Variants in RCOR1 observed in about 807,000 individuals in gnomAD.
The protein encoded by RCOR1 is REST corepressor 1.
A neutral mutation model predicts 64.0 loss-of-function variants in RCOR1; 12 were observed. That is an observed-to-expected ratio of 0.19 (90% CI 0.12 to 0.30). The LOEUF is 0.30. Among genes scored for constraint, RCOR1 ranks in the 10% least tolerant of loss-of-function variants. The pLI, the probability that RCOR1 is intolerant of heterozygous loss-of-function variation, is 1.00. For missense variants in RCOR1, 502 were observed against 621.2 expected (o/e 0.81, Z 2.04); for synonymous variants, 279 against 227.2 (o/e 1.23, Z -2.05).
chr14:102,677,239 T>C (rs75293620), intron 2 of RCOR1, among the ~76,000 whole-genome samples: 90 of 57,938 alleles, frequency 1.6e-3, no homozygotes, highest in Admixed American at 4.5e-3. Flanking sequence ...CCGGACGGGG[T>C]GGCTGGCCGG....
intron 2 of RCOR1, among the ~76,000 whole-genome samples, chr14:102,679,132 C>T (rs1419322326): frequency 1.3e-5 from 2 of 152,054 alleles, no homozygotes; most frequent in African/African-American, 2.4e-5. Flanking sequence ...TTTAGTATAC[C>T]ATTAAAAAAT....
intron 2 of RCOR1, among the ~76,000 whole-genome samples, chr14:102,676,586 A>C (rs1297355449): frequency 5.3e-5 from 4 of 74,802 alleles, no homozygotes; most frequent in Admixed American, 2.3e-4. Context: ...GCGGCCGGGC[A>C]GAGGCGCCCC....
At chr14:102,597,844 T>C (rs1435530084) in intron 2 of RCOR1, among the ~76,000 whole-genome samples, 1 of 151,032 alleles carries the variant, frequency 6.6e-6, no homozygotes. Flanking sequence ...GATGGAGTTT[T>C]TTTCTCTTGT....
At chr14:102,595,240 A>G (rs893774514) in intron 2 of RCOR1, among the ~76,000 whole-genome samples, 3 of 152,232 alleles carry the variant, frequency 2.0e-5, no homozygotes, top group African/African-American at 7.2e-5. Flanking sequence ...AGTAGCTCAC[A>G]CCTGTAGTCC....
At chr14:102,689,689 A>G (rs1895493854) in intron 3 of RCOR1, among the ~76,000 whole-genome samples, 1 of 152,220 alleles carries the variant, frequency 6.6e-6, no homozygotes, top group African/African-American at 2.4e-5. Flanking sequence ...GGTAAGAATC[A>G]TGGATCTCTG....
In RCOR1 at chr14:102,690,967, T is replaced by C. The variant is rs190408933; in HGVS notation, c.445+8989T>C. Among the ~76,000 whole-genome samples, 374 of 152,306 alleles carry C rather than the reference T, an allele frequency of 2.5e-3. 7 individuals carry two copies. Among genetic ancestry groups the C allele is most frequent in the Non-Finnish European group, 3.8e-4 (26 of 68,012 alleles). On this transcript the variant is annotated intron_variant, in intron 3 of 11. Coordinates refer to ENST00000262241, the MANE Select transcript of RCOR1 (RefSeq NM_015156.4). ...GGATAGAGATTTGCAAATACAGGCT[T>C]TTCTGCCATTTGCTCTGTAACTTGG... is the stretch of plus-strand genomic sequence containing the variant.
intron 2 of RCOR1, among the ~76,000 whole-genome samples, chr14:102,628,008 G>T (rs1219204567): frequency 2.0e-5 from 3 of 151,422 alleles, no homozygotes; most frequent in Non-Finnish European, 2.9e-5. Context: ...GACTGTGAAG[G>T]CCAGGAAGTC....
At chr14:102,696,393 T>C (rs1895649646) in intron 3 of RCOR1, among the ~76,000 whole-genome samples, 1 of 152,170 alleles carries the variant, frequency 6.6e-6, no homozygotes, top group African/African-American at 2.4e-5. Context: ...ATGCTCTCCA[T>C]AATGGTAAAA....
intron 2 of RCOR1, among the ~76,000 whole-genome samples, chr14:102,599,017 G>T (rs1893328401): frequency 6.6e-6 from 1 of 152,150 alleles, no homozygotes; most frequent in Non-Finnish European, 1.5e-5. Flanking sequence ...ATATTCAGTA[G>T]TTACAGAATA....
chr14:102,727,113 T>C lies in RCOR1; in HGVS notation c.*607T>C, dbSNP rs577894221. ...ATGGGGTACAGTTATGATTTATAAA[T>C]TGAGTTGGCTTAAATCTCCCTCTTC... On this transcript the variant is annotated 3_prime_UTR_variant, in exon 12 of 12. Coordinates refer to ENST00000262241, the MANE Select transcript of RCOR1 (RefSeq NM_015156.4). The C allele has an allele frequency of 1.3e-5, 2 of 152,384 alleles. No individual in the cohort carries two copies. Among genetic ancestry groups the C allele is most frequent in the African/African-American group, 2.4e-5 (1 of 41,572 alleles). 9.4% of individuals were successfully genotyped at this position (152,384 alleles called of 1,614,324 possible). A position where few individuals can be genotyped will look rare whatever the true frequency, so the allele number is the denominator to read the frequency against.
chr14:102,690,240 T>C (rs1895502969), intron 3 of RCOR1, among the ~76,000 whole-genome samples: 1 of 152,226 alleles, frequency 6.6e-6, no homozygotes, highest in Non-Finnish European at 1.5e-5. Context: ...TTTGACTTAC[T>C]ATATTGTACA....
At chr14:102,599,955 C>T (rs372053330) in intron 2 of RCOR1, among the ~76,000 whole-genome samples, 1 of 152,134 alleles carries the variant, frequency 6.6e-6, no homozygotes. Flanking sequence ...ATGTGCACAT[C>T]ACCACGCTTG....
At chr14:102,624,372 G>A (rs1893938075) in intron 2 of RCOR1, among the ~76,000 whole-genome samples, 3 of 151,652 alleles carry the variant, frequency 2.0e-5, no homozygotes, top group Admixed American at 6.6e-5. Context: ...TGGGCGTGGT[G>A]CCACCCACCT....
chr14:102,676,245 C>G (rs558625612), intron 2 of RCOR1, among the ~76,000 whole-genome samples: 1 of 149,946 alleles, frequency 6.7e-6, no homozygotes, highest in South Asian at 2.1e-4. Context: ...CAGACGGGGT[C>G]GTGGCCGGGC....
At chr14:102,665,953 A>G (rs374614242) in intron 2 of RCOR1, among the ~76,000 whole-genome samples, 3 of 152,336 alleles carry the variant, frequency 2.0e-5, no homozygotes, top group South Asian at 4.1e-4. Flanking sequence ...TGTTTTCTCC[A>G]CATGTCTTTA....
chr14:102,698,463 A>C (rs773491292), intron 3 of RCOR1, among the ~76,000 whole-genome samples: 2 of 152,154 alleles, frequency 1.3e-5, no homozygotes, highest in Non-Finnish European at 2.9e-5. Context: ...TTCCTTACTC[A>C]GTTAAGGTAG....
intron 8 of RCOR1, among the ~76,000 whole-genome samples, chr14:102,717,684 GT>G (rs1896093184): frequency 6.6e-6 from 1 of 152,230 alleles, no homozygotes; most frequent in African/African-American, 2.4e-5. Context: ...TGAGCTCCTG[GT>G]GGTTGCTGTT....
chr14:102,642,278 G>A (rs995178868), intron 2 of RCOR1, among the ~76,000 whole-genome samples: 1 of 152,120 alleles, frequency 6.6e-6, no homozygotes, highest in African/African-American at 2.4e-5. Context: ...ATCTTGATTA[G>A]TGTAAGTTGT....
chr14:102,597,592 G>A (rs1035673886), intron 2 of RCOR1, among the ~76,000 whole-genome samples: 1 of 142,972 alleles, frequency 7.0e-6, no homozygotes, highest in East Asian at 2.2e-4. Context: ...GCTTCCCAAA[G>A]TGCTGGGATT....
Sources: allele counts gnomAD v4.1 joint callset (sites outside exome capture counted in the v4.1 genomes callset), GRCh38; gene constraint gnomAD v4.1.1; transcripts MANE v1.5; gene names NCBI Gene and HGNC (gene_info 2026-07-23, HGNC 2026-07-21).